Variants in SYTL3 observed in about 807,000 individuals in gnomAD.
SYTL3 encodes the protein synaptotagmin-like protein 3.
Under a neutral mutation model 82.1 loss-of-function variants are expected in SYTL3, and 88 were observed. The ratio of observed to expected loss-of-function variants is 1.07; its 90% CI spans 0.90 to 1.28. The LOEUF (loss-of-function observed/expected upper bound fraction) is 1.28, where lower values mean the gene tolerates loss of function less well. Among genes scored for constraint, SYTL3 ranks in the 50% most tolerant of loss-of-function variants. The pLI, the probability that SYTL3 is intolerant of heterozygous loss-of-function variation, is 0.00. For missense variants in SYTL3, 831 were observed against 757.6 expected (o/e 1.10, Z -1.14); for synonymous variants, 311 against 289.4 (o/e 1.07, Z -0.76).
intron 4 of SYTL3, 36 bp from the exon 5 acceptor site, chr6:158,665,359 A>G: frequency 1.3e-6 from 2 of 1,549,674 alleles, no homozygotes; most frequent in Non-Finnish European, 1.7e-6. Flanking sequence ...CAGGTGTTCC[A>G]TCTAATACTA....
chr6:158,706,390 C>T (rs1782098395), intron 6 of SYTL3, among the ~76,000 whole-genome samples: 1 of 152,142 alleles, frequency 6.6e-6, no homozygotes, highest in Admixed American at 6.5e-5. Flanking sequence ...TGTCCGTGTC[C>T]TTCAGTGGGT....
At chr6:158,677,738 T>C (rs1380916673) in intron 5 of SYTL3, among the ~76,000 whole-genome samples, 1 of 148,674 alleles carries the variant, frequency 6.7e-6, no homozygotes, top group Non-Finnish European at 1.5e-5. Context: ...AAAGACTATT[T>C]GAAATAAAAA....
chr6:158,673,063 T>A (rs570288598), intron 5 of SYTL3, among the ~76,000 whole-genome samples: 1 of 152,068 alleles, frequency 6.6e-6, no homozygotes, highest in Non-Finnish European at 1.5e-5. Flanking sequence ...CCCAAATAGC[T>A]GGGACTCCAA....
intron 12 of SYTL3, among the ~76,000 whole-genome samples, chr6:158,750,522 T>G (rs1482297662): frequency 2.6e-5 from 4 of 152,152 alleles, no homozygotes. Context: ...ATTTTTTGTT[T>G]TGGTTTGATT....
rs369888364 is a variant in SYTL3 at position 158,724,757 on chromosome 6, G to A, written c.721-746G>A. ...TGGCTGTGTGTGGTGGCTCACGCCT[G>A]TAATCCCAGCACTTTGGAAGGCTGA... is the stretch of plus-strand genomic sequence containing the variant. On this transcript the variant is annotated intron_variant, in intron 10 of 17. Coordinates refer to ENST00000611299, the MANE Select transcript of SYTL3 (RefSeq NM_001242394.2). 7.9e-5 allele frequency among the ~76,000 whole-genome samples: 12 copies of A among 152,374 alleles called. No homozygotes were observed. In the East Asian group the frequency reaches 2.1e-3, roughly 27 times the overall value.
At chr6:158,660,158 G>C (rs774720830) in intron 2 of SYTL3, among the ~76,000 whole-genome samples, 2 of 152,062 alleles carry the variant, frequency 1.3e-5, no homozygotes, top group African/African-American at 2.4e-5. Flanking sequence ...CCAGCTACTC[G>C]GAAGGCTGAA....
chr6:158,725,460 G>T, intron 10 of SYTL3, 43 bp from the exon 11 acceptor site: 1 of 1,604,698 alleles, frequency 6.2e-7, no homozygotes, highest in Admixed American at 1.7e-5. Context: ...AAACCAAACT[G>T]GGATGGAGAC....
intron 11 of SYTL3, among the ~76,000 whole-genome samples, chr6:158,727,701 T>TTTTTTTTTTTTTTTTTG (rs1784911416): frequency 6.7e-6 from 1 of 148,260 alleles, no homozygotes; most frequent in African/African-American, 2.5e-5. Flanking sequence ...TTTTTTTTTT[T>TTTTTTTTTTTTTTTTTG]GAGATGAAGT....
At chr6:158,741,495 T>C (rs1179180714) in intron 11 of SYTL3, among the ~76,000 whole-genome samples, 6 of 152,224 alleles carry the variant, frequency 3.9e-5, no homozygotes, top group South Asian at 4.1e-4. Flanking sequence ...CTCATCAATT[T>C]GTTGAGCATA....
In SYTL3 at chr6:158,666,644, C is replaced by T. The variant is rs1447606618; in HGVS notation, c.329+1031C>T. ...ATTTGAAAACAACTTCTAAATATTG[C>T]CACAGATGTGTGAGTGCCCCAGGGA... On this transcript the variant is annotated intron_variant, in intron 5 of 17. Coordinates refer to ENST00000611299, the MANE Select transcript of SYTL3 (RefSeq NM_001242394.2). Among the ~76,000 whole-genome samples the T allele has an allele frequency of 7.2e-5, 11 of 152,282 alleles. No homozygotes were observed. In the South Asian group the frequency reaches 1.7e-3, roughly 23 times the overall value.
intron 6 of SYTL3, among the ~76,000 whole-genome samples, chr6:158,692,974 G>A (rs1780080302): frequency 6.6e-6 from 1 of 151,794 alleles, no homozygotes; most frequent in Non-Finnish European, 1.5e-5. Flanking sequence ...AAAAAAGCAG[G>A]TGTCAGTCAA....
rs141736426 is a variant in SYTL3, at chr6:158,763,480, G to A, written c.1694G>A (p.Arg565His). 1,630 of 1,614,170 alleles carry A rather than the reference G, an allele frequency of 1.0e-3. 2 individuals carry two copies. Among genetic ancestry groups the A allele is most frequent in the Non-Finnish European group, 1.3e-3 (1,486 of 1,180,014 alleles). ...WDQALFGMNDRLLGGTRLGSK... is the reference protein window; with the variant it reads ...WDQALFGMNDHLLGGTRLGSK... ...CAGGCCCTCTTTGGAATGAACGACC[G>A]CTTGCTTGGAGGAACCAGACTTGGT... Residue 565 changes from arginine (R) to histidine (H), a missense_variant, in exon 17 of 18, where the codon CGC becomes CAC. Arg to His is a conservative substitution (Grantham distance 29). Transcript: ENST00000611299.
At chr6:158,664,374 G>A in intron 4 of SYTL3, among the ~76,000 whole-genome samples, 1 of 152,098 alleles carries the variant, frequency 6.6e-6, no homozygotes, top group Non-Finnish European at 1.5e-5. Flanking sequence ...GTGAAACCCT[G>A]TCTCTACTAA....
chr6:158,649,719 T>A (rs1302988547), upstream of SYTL3, among the ~76,000 whole-genome samples: 1 of 152,248 alleles, frequency 6.6e-6, no homozygotes, highest in Non-Finnish European at 1.5e-5. Flanking sequence ...GAAGTCAATG[T>A]GAAACCCTTC....
intron 12 of SYTL3, 25 bp from the exon 13 acceptor site, chr6:158,751,903 T>C: frequency 1.3e-6 from 2 of 1,555,294 alleles, no homozygotes; most frequent in Non-Finnish European, 1.8e-6. Context: ...GTTCTCACTC[T>C]GTCCCCGCTG....
At chr6:158,737,176 G>A (rs1786294214) in intron 11 of SYTL3, among the ~76,000 whole-genome samples, 1 of 152,094 alleles carries the variant, frequency 6.6e-6, no homozygotes, top group African/African-American at 2.4e-5. Flanking sequence ...TTTTCCGTGT[G>A]TTAACTAATT....
intron 11 of SYTL3, among the ~76,000 whole-genome samples, chr6:158,739,894 T>G (rs1786705375): frequency 1.3e-5 from 2 of 152,108 alleles, no homozygotes; most frequent in African/African-American, 2.4e-5. Flanking sequence ...CATTGACCCA[T>G]CTTCCAGTTT....
chr6:158,737,656 A>T (rs555131518), intron 11 of SYTL3, among the ~76,000 whole-genome samples: 4 of 152,204 alleles, frequency 2.6e-5, no homozygotes, highest in African/African-American at 9.6e-5. Context: ...GGTTGACTCC[A>T]TTTGCTGCAT....
chr6:158,735,968 T>C (rs139250129), intron 11 of SYTL3, among the ~76,000 whole-genome samples: 102 of 152,348 alleles, frequency 6.7e-4, no homozygotes, highest in African/African-American at 2.2e-3. Context: ...TCACAGGAAC[T>C]ACTCTTTAAA....
Sources: gnomAD v4.1 joint callset for allele counts (sites outside exome capture counted in the v4.1 genomes callset) on GRCh38, gnomAD v4.1.1 for gene constraint, MANE v1.5 for transcripts, NCBI Gene and HGNC (gene_info 2026-07-23, HGNC 2026-07-21) for gene names.